The following CFAP57 variants were observed in gnomAD, a reference collection of about 807,000 sequenced individuals.
CFAP57 encodes the protein cilia- and flagella-associated protein 57.
Under a neutral mutation model 146.8 loss-of-function variants are expected in CFAP57, and 116 were observed. The ratio of observed to expected loss-of-function variants is 0.79; its 90% CI spans 0.68 to 0.92. CFAP57 has a LOEUF of 0.92. CFAP57 is among the 40% of genes least tolerant of loss of function. The pLI is 0.00. For synonymous variants in CFAP57, 518 were observed against 552.8 expected (o/e 0.94, Z 0.88); for missense variants, 1,377 against 1,527.2 (o/e 0.90, Z 1.64).
chr1:43,202,710 G>A (rs1644181078), intron 9 of CFAP57, among the ~76,000 whole-genome samples: 1 of 151,782 alleles, frequency 6.6e-6, no homozygotes, highest in South Asian at 2.1e-4. Flanking sequence ...TTGAACCTCG[G>A]AGGCGGAGGT....
rs1645607466 is a variant in CFAP57, at chr1:43,234,481, C to T, written c.3262-14C>T. On this transcript the variant is annotated splice_polypyrimidine_tract_variant and intron_variant, in intron 20 of 22. Coordinates refer to ENST00000372492, the MANE Select transcript of CFAP57 (RefSeq NM_001378189.1). ...TCTCCTCTCCCTCACTGAGAATCTCCTGGGCCCCGTCAGGTGGAGATCGCA... is the reference window on the plus strand; with the variant it reads ...TCTCCTCTCCCTCACTGAGAATCTCTTGGGCCCCGTCAGGTGGAGATCGCA... The T allele has an allele frequency of 3.2e-6, 5 of 1,545,934 alleles. No individual in the cohort carries two copies. Among genetic ancestry groups the T allele is most frequent in the Non-Finnish European group, 4.4e-6 (5 of 1,144,110 alleles).
At chr1:43,237,521 G>A (rs1468973668) in intron 21 of CFAP57, among the ~76,000 whole-genome samples, 1 of 152,192 alleles carries the variant, frequency 6.6e-6, no homozygotes, top group African/African-American at 2.4e-5. Context: ...CTCATTGTAT[G>A]CAGTGCTGTG....
rs1190624609 is a variant in CFAP57, at chr1:43,186,777, G to A, written c.1040G>A (p.Ser347Asn). The part of the protein sequence containing the change: ...DKQDVLCLCF[S>N]PSEETLVAST... The stretch of plus-strand genomic sequence containing the variant: ...CAGGACGTTCTCTGCCTGTGCTTCA[G>A]CCCCTCAGAGGAAACTCTGGTTGCC... The change falls in exon 6 of 23, where the codon AGC (serine) becomes AAC (asparagine). Residue 347 changes from serine (S) to asparagine (N), a missense_variant. Ser to Asn is a conservative substitution (Grantham distance 46). Coordinates refer to ENST00000372492, the MANE Select transcript of CFAP57 (RefSeq NM_001378189.1). 2 of 1,614,128 alleles carry A rather than the reference G, an allele frequency of 1.2e-6. No homozygotes were observed. Among genetic ancestry groups the A allele is most frequent in the African/African-American group, 2.7e-5 (2 of 75,028 alleles).
chr1:43,240,984 G>A (rs893274304), intron 21 of CFAP57, among the ~76,000 whole-genome samples: 8 of 152,246 alleles, frequency 5.3e-5, no homozygotes, highest in Middle Eastern at 3.4e-3. Flanking sequence ...ACAGGCACCC[G>A]CCACCACGCC....
At chr1:43,239,746 C>T (rs1456650906) in intron 21 of CFAP57, among the ~76,000 whole-genome samples, 3 of 152,142 alleles carry the variant, frequency 2.0e-5, no homozygotes, top group East Asian at 3.8e-4. Context: ...TGAAGCTTAG[C>T]GAGGCCTACT....
rs1644114224 is a variant in CFAP57, at chr1:43,201,344, G to C, written c.1542+1841G>C. ...GAAGCCAAGGAACTAAACAATTTCT[G>C]AAAGGTTGAAGTGGTCAGTGGTACT... On this transcript the variant is annotated intron_variant, in intron 9 of 22. Transcript: ENST00000372492. The surrounding 1 kb of genome is among the most constrained non-coding windows in gnomAD (Gnocchi z 4.4). Among the ~76,000 whole-genome samples the C allele has an allele frequency of 6.6e-6, 1 of 152,186 alleles. No homozygotes were observed. Among genetic ancestry groups the C allele is most frequent in the African/African-American group, 2.4e-5 (1 of 41,436 alleles).
At chr1:43,203,536 C>T (rs12131797) in intron 9 of CFAP57, among the ~76,000 whole-genome samples, 2 of 152,190 alleles carry the variant, frequency 1.3e-5, no homozygotes, top group Non-Finnish European at 2.9e-5. Flanking sequence ...TCTCGGCTCA[C>T]TGCAACCTCT....
At chr1:43,236,243 G>T (rs1321158015) in intron 21 of CFAP57, among the ~76,000 whole-genome samples, 1 of 151,990 alleles carries the variant, frequency 6.6e-6, no homozygotes. Flanking sequence ...GAGTAAGAAG[G>T]GGCCCAGGGT....
rs767387494 is a variant in CFAP57 at position 43,206,810 on chromosome 1, AAGAG to A, written c.1639_1642del (p.Glu547GlnfsTer38). 1.2e-6 allele frequency: 2 copies of A among 1,614,186 alleles called. No individual in the cohort carries two copies. Among genetic ancestry groups the A allele is most frequent in the African/African-American group, 1.3e-5 (1 of 75,034 alleles). Reference sequence around the variant, plus strand: ...GTATGAATGGAATCTGTCCACAGGAAAGAGAGAGACAGAATGCGTGCTCAAGTCT... The same window carrying A: ...GTATGAATGGAATCTGTCCACAGGAAAGAGACAGAATGCGTGCTCAAGTCT... On this transcript the variant is annotated frameshift_variant, in exon 10 of 23. Coordinates refer to ENST00000372492, the MANE Select transcript of CFAP57 (RefSeq NM_001378189.1). LOFTEE classifies it high-confidence loss of function.
At chr1:43,225,327 C>A (rs983578495) in intron 17 of CFAP57, among the ~76,000 whole-genome samples, 4 of 152,210 alleles carry the variant, frequency 2.6e-5, no homozygotes, top group Non-Finnish European at 5.9e-5. Context: ...TCTGTAAAGA[C>A]CTAGGTAGTA....
chr1:43,195,644 A>C (rs972687723), intron 6 of CFAP57, among the ~76,000 whole-genome samples: 2 of 152,266 alleles, frequency 1.3e-5, no homozygotes, highest in African/African-American at 4.8e-5. Flanking sequence ...AAGTAGCTAG[A>C]TGCACACTGT....
At chr1:43,214,335 G>A (rs1644752749) in intron 11 of CFAP57, among the ~76,000 whole-genome samples, 1 of 152,216 alleles carries the variant, frequency 6.6e-6, no homozygotes, top group Non-Finnish European at 1.5e-5. Flanking sequence ...TCTTCAGTCT[G>A]TTGATTGTTT....
At position 43,234,560 on chromosome 1, in the gene CFAP57, G is replaced by A. The variant is rs758582697; in HGVS notation, c.3327G>A (p.Glu1109=). 2.2e-5 allele frequency: 34 copies of A among 1,550,380 alleles called. No homozygotes were observed. The African/African-American group carries it at 3.8e-4, about 17-fold the overall frequency. ...QEYTRQREHL[E]RNLATLKKKV... is the part of the protein sequence containing the mutation. ...ACACCCGGCAGCGGGAGCACCTGGA[G>A]AGGAACCTGGCCACTCTCAAGAAGA... The change falls in exon 21 of 23, where the codon GAG becomes GAA. Residue 1109 remains glutamate (E), a synonymous_variant. Coordinates refer to ENST00000372492, the MANE Select transcript of CFAP57 (RefSeq NM_001378189.1).
Position 43,234,593 on chromosome 1 carries a change from C to A in CFAP57, c.3360C>A (p.Val1120=). 6.4e-7 allele frequency: 1 copy of A among 1,550,422 alleles called. No homozygotes were observed. The highest frequency in any genetic ancestry group is 8.7e-7 in the Non-Finnish European group (1 of 1,146,942). ...TGGCCACTCTCAAGAAGAAGGTGGT[C>A]AAGGAGGGCGAGCTGCACCGCACAG... ...RNLATLKKKV[V]KEGELHRTDY... Residue 1120 remains valine, a synonymous_variant, in exon 21 of 23, where the codon GTC becomes GTA. Coordinates refer to ENST00000372492, the MANE Select transcript of CFAP57 (RefSeq NM_001378189.1).
chr1:43,198,873 T>TA (rs1643984894), intron 8 of CFAP57, among the ~76,000 whole-genome samples: 1 of 152,200 alleles, frequency 6.6e-6, no homozygotes, highest in African/African-American at 2.4e-5. Context: ...TCATTGAACC[T>TA]AAAACCTTGT....
intron 22 of CFAP57, among the ~76,000 whole-genome samples, chr1:43,250,664 G>A (rs185857708): frequency 7.0e-4 from 107 of 152,304 alleles, no homozygotes; most frequent in African/African-American, 2.1e-3. Context: ...TGTCCAAACT[G>A]AAACAGCCAG....
chr1:43,192,485 T>C (rs1339487299), intron 6 of CFAP57, among the ~76,000 whole-genome samples: 2 of 152,004 alleles, frequency 1.3e-5, no homozygotes, highest in Non-Finnish European at 2.9e-5. Context: ...TAGCCAGGCG[T>C]GGTGGCGCAT....
Position 43,181,809 on chromosome 1 carries a change from G to A in CFAP57, c.433G>A (p.Ala145Thr), listed in dbSNP as rs1040800797. ...YWLWEKQKVM[A>T]IVRIDTQNNP... Reference sequence around the variant, plus strand: ...GCTGTGGGAAAAACAGAAAGTAATGGCCATTGTTAGAATCGACACTCAGAA... The same window carrying A: ...GCTGTGGGAAAAACAGAAAGTAATGACCATTGTTAGAATCGACACTCAGAA... Residue 145 changes from alanine to threonine, a missense_variant, in exon 3 of 23, where the codon GCC (alanine) becomes ACC (threonine). Physicochemically the swap from Ala to Thr is moderately conservative, Grantham distance 58. Transcript: ENST00000372492. 10 of 1,614,010 alleles carry A rather than the reference G, an allele frequency of 6.2e-6. No individual in the cohort carries two copies. In the African/African-American group the frequency reaches 1.3e-4, roughly 22 times the overall value.
At chr1:43,252,005 A>G (rs1020552003) in intron 22 of CFAP57, among the ~76,000 whole-genome samples, 3 of 152,238 alleles carry the variant, frequency 2.0e-5, no homozygotes, top group African/African-American at 7.2e-5. Context: ...GTTCTTTGTA[A>G]TAAGCCTTAT....
Sources: allele counts gnomAD v4.1 joint callset (sites outside exome capture counted in the v4.1 genomes callset), GRCh38; gene constraint gnomAD v4.1.1; non-coding constraint Gnocchi (gnomAD v3.1); transcripts MANE v1.5; gene names NCBI Gene and HGNC (gene_info 2026-07-23, HGNC 2026-07-21).